The following PDE1C variants were observed in gnomAD, a reference collection of about 807,000 sequenced individuals.
PDE1C encodes phosphodiesterase 1C, also known as dual specificity calcium/calmodulin-dependent 3',5'-cyclic nucleotide phosphodiesterase 1C.
In PDE1C, 62 loss-of-function variants were observed where a neutral mutation model predicts 93.1. The ratio of observed to expected loss-of-function variants is 0.67; its 90% CI spans 0.54 to 0.82. PDE1C has a LOEUF of 0.82. PDE1C is among the 40% of genes least tolerant of loss of function. The pLI is 0.00. For missense variants in PDE1C, 742 were observed against 884.6 expected (o/e 0.84, Z 2.04); for synonymous variants, 325 against 310.1 (o/e 1.05, Z -0.50).
At chr7:32,171,968 C>T (rs1286598193) in intron 2 of PDE1C, among the ~76,000 whole-genome samples, 3 of 149,194 alleles carry the variant, frequency 2.0e-5, no homozygotes, top group East Asian at 2.0e-4. Flanking sequence ...GCGTGTAGGC[C>T]GTATGAGATC....
At chr7:32,231,956 TATACACACACAC>T (rs1318396118) in intron 1 of PDE1C, among the ~76,000 whole-genome samples, 1,946 of 126,838 alleles carry the variant, frequency 0.015, 16 homozygotes, top group Middle Eastern at 0.061. Flanking sequence ...TAAATATGTG[TATACACACACAC>T]ACACACACAC....
At chr7:32,425,008 G>A (rs112761567) in intron 1 of PDE1C, among the ~76,000 whole-genome samples, 13 of 152,140 alleles carry the variant, frequency 8.5e-5, no homozygotes, top group African/African-American at 2.9e-4. Context: ...ATGCCTTAAT[G>A]TCTTCATCTA....
intron 15 of PDE1C, among the ~76,000 whole-genome samples, chr7:31,810,923 A>C (rs147433227): frequency 8.7e-4 from 132 of 152,232 alleles, no homozygotes; most frequent in African/African-American, 2.9e-3. Flanking sequence ...CAAACCACAT[A>C]CTTGCAATGG....
chr7:32,265,478 C>A (rs1810508154), intron 1 of PDE1C, among the ~76,000 whole-genome samples: 1 of 152,118 alleles, frequency 6.6e-6, no homozygotes, highest in South Asian at 2.1e-4. Context: ...GTAATGGACG[C>A]CACTATATAG....
At chr7:32,037,009 A>G (rs1348062931) in intron 2 of PDE1C, among the ~76,000 whole-genome samples, 1 of 152,224 alleles carries the variant, frequency 6.6e-6, no homozygotes, top group Admixed American at 6.5e-5. Flanking sequence ...AAAGACAGAC[A>G]GATCTAGATG....
At chr7:32,172,976 A>C (rs1486788367) in intron 2 of PDE1C, among the ~76,000 whole-genome samples, 1 of 152,166 alleles carries the variant, frequency 6.6e-6, no homozygotes, top group African/African-American at 2.4e-5. Context: ...ACAAACAGAA[A>C]TATACCATTT....
At chr7:31,759,900 T>TTC (rs149922505) in intron 17 of PDE1C, among the ~76,000 whole-genome samples, 5 of 151,032 alleles carry the variant, frequency 3.3e-5, no homozygotes, top group Admixed American at 1.3e-4. Flanking sequence ...CATTCTCTCT[T>TTC]TCTCTCTCTC....
At chr7:32,276,616 C>A (rs1393352613) in intron 1 of PDE1C, among the ~76,000 whole-genome samples, 2 of 152,082 alleles carry the variant, frequency 1.3e-5, no homozygotes, top group African/African-American at 4.8e-5. Flanking sequence ...AGCTTGGATT[C>A]CAACCCTGGC....
intron 2 of PDE1C, among the ~76,000 whole-genome samples, chr7:31,925,635 T>C (rs527272875): frequency 1.3e-5 from 2 of 152,180 alleles, no homozygotes; most frequent in South Asian, 4.2e-4. Context: ...GTCTCTAGGG[T>C]GGAAGGGAGA....
At chr7:32,129,809 T>C (rs1369850264) in intron 3 of PDE1C, among the ~76,000 whole-genome samples, 2 of 152,144 alleles carry the variant, frequency 1.3e-5, no homozygotes, top group African/African-American at 4.8e-5. Flanking sequence ...TTCTGTTTTT[T>C]CTTCTACTGA....
chr7:32,162,890 A>G (rs1421099949), intron 3 of PDE1C, among the ~76,000 whole-genome samples: 1 of 152,002 alleles, frequency 6.6e-6, no homozygotes, highest in African/African-American at 2.4e-5. Flanking sequence ...TGCAAGAGGA[A>G]TGGTGTCTAC....
At chr7:32,175,867 A>G (rs1247131944) in intron 2 of PDE1C, among the ~76,000 whole-genome samples, 1 of 152,262 alleles carries the variant, frequency 6.6e-6, no homozygotes, top group Non-Finnish European at 1.5e-5. Flanking sequence ...AATCTTGTCC[A>G]TAGAAATGTA....
chr7:32,294,999 C>G (rs1812544580), intron 1 of PDE1C, among the ~76,000 whole-genome samples: 1 of 152,226 alleles, frequency 6.6e-6, no homozygotes, highest in Non-Finnish European at 1.5e-5. Context: ...CTTTTGACCA[C>G]ATACCCATTT....
chr7:32,087,613 C>A (rs773598655), intron 3 of PDE1C, among the ~76,000 whole-genome samples: 9 of 152,212 alleles, frequency 5.9e-5, no homozygotes, highest in Non-Finnish European at 1.3e-4. Flanking sequence ...AATGTCCAAC[C>A]ATGGTAGACT....
At chr7:31,932,789 A>C (rs895123571) in intron 2 of PDE1C, among the ~76,000 whole-genome samples, 1 of 152,046 alleles carries the variant, frequency 6.6e-6, no homozygotes, top group Admixed American at 6.5e-5. Flanking sequence ...AGTGCTATTC[A>C]CAATAGCAAA....
At chr7:32,264,295 C>A (rs1000678037) in intron 1 of PDE1C, among the ~76,000 whole-genome samples, 10 of 152,208 alleles carry the variant, frequency 6.6e-5, no homozygotes, top group African/African-American at 2.2e-4. Context: ...CAATATTTAT[C>A]AAGCACCTAC....
At chr7:31,778,483 T>A (rs1350041978) in intron 16 of PDE1C, among the ~76,000 whole-genome samples, 1 of 152,174 alleles carries the variant, frequency 6.6e-6, no homozygotes, top group African/African-American at 2.4e-5. Flanking sequence ...GGAGAATGTT[T>A]AGCAGTGTCC....
At chr7:31,988,846 T>G (rs1275131268) in intron 2 of PDE1C, among the ~76,000 whole-genome samples, 1 of 151,568 alleles carries the variant, frequency 6.6e-6, no homozygotes, top group Non-Finnish European at 1.5e-5. Flanking sequence ...AATACAAAAA[T>G]TAGCTGGGCG....
intron 2 of PDE1C, among the ~76,000 whole-genome samples, chr7:31,936,507 T>C (rs1805100147): frequency 6.6e-6 from 1 of 151,832 alleles, no homozygotes; most frequent in Non-Finnish European, 1.5e-5. Context: ...CACACATCTA[T>C]GAGCAAGCAT....
Sources: gnomAD v4.1 joint callset for allele counts (sites outside exome capture counted in the v4.1 genomes callset) on GRCh38, gnomAD v4.1.1 for gene constraint, MANE v1.5 for transcripts, NCBI Gene and HGNC (gene_info 2026-07-23, HGNC 2026-07-21) for gene names.